Variants in ANK2 observed in about 807,000 individuals in gnomAD.
The protein encoded by ANK2 is ankyrin 2.
A neutral mutation model predicts 360.5 loss-of-function variants in ANK2; 83 were observed. That is an observed-to-expected ratio of 0.23 (90% confidence interval 0.19 to 0.28). The LOEUF is 0.28. ANK2 is among the 10% of genes least tolerant of loss of function. ANK2 has a pLI of 1.00. For missense variants in ANK2, 4,201 were observed against 4,795.7 expected, an observed-to-expected ratio of 0.88 and a Z score of 3.66; for synonymous variants, 1,740 against 1,759.5, an observed-to-expected ratio of 0.99 and a Z score of 0.28.
intron 18 of ANK2, among the ~76,000 whole-genome samples, chr4:113,286,316 G>A (rs1563433474): frequency 1.3e-5 from 2 of 152,086 alleles, no homozygotes; most frequent in African/African-American, 4.8e-5. Context: ...AATAGAAAAG[G>A]ATACACCTTC....
At chr4:113,107,010 T>C in intron 1 of ANK2, 1 of 488,960 alleles carries the variant, frequency 2.0e-6, no homozygotes, top group Non-Finnish European at 4.2e-6. Context: ...ATGGTGATTG[T>C]TCTTTGTTGT....
chr4:113,125,132 T>C (rs2095586751), intron 1 of ANK2, among the ~76,000 whole-genome samples: 1 of 152,218 alleles, frequency 6.6e-6, no homozygotes, highest in Non-Finnish European at 1.5e-5. Flanking sequence ...CTCACTTGTT[T>C]ATAGTTTGTC....
intron 23 of ANK2, among the ~76,000 whole-genome samples, chr4:113,304,693 T>C (rs67082188): frequency 0.12 from 18,953 of 152,172 alleles, 1,265 homozygotes; most frequent in African/African-American, 0.15. Context: ...TTTATATCAC[T>C]CCCTTGGTTG....
intron 41 of ANK2, among the ~76,000 whole-genome samples, 169 bp from the exon 42 acceptor site, chr4:113,367,397 T>A (rs2096575119): frequency 6.6e-6 from 1 of 152,112 alleles, no homozygotes; most frequent in Non-Finnish European, 1.5e-5. Context: ...ATGATCCGTA[T>A]CTTGAAGGTG....
At position 113,381,003 on chromosome 4, in the gene ANK2, CTG is replaced by C. The variant is rs544822871; in HGVS notation, c.11860-452_11860-451del. ...TTGGGAAGTTTGGGTCAGGGTATGA[CTG>C]TAAGGTTTAAGCTGGCAGCCAAGGT... On this transcript the variant is annotated intron_variant, in intron 45 of 45. Coordinates refer to ENST00000357077, the MANE Select transcript of ANK2 (RefSeq NM_001148.6). Among the ~76,000 whole-genome samples, 424 of 152,160 alleles carry C rather than the reference CTG, an allele frequency of 2.8e-3. 1 individual carries two copies. Among genetic ancestry groups the C allele is most frequent in the African/African-American group, 9.7e-3 (403 of 41,512 alleles).
chr4:112,879,520 C>T (rs2076148302), intron 1 of ANK2, among the ~76,000 whole-genome samples: 1 of 152,170 alleles, frequency 6.6e-6, no homozygotes, highest in Non-Finnish European at 1.5e-5. Flanking sequence ...TACAGAACCA[C>T]CCAGCCAAGC....
chr4:112,972,344 T>G (rs1156642065), intron 2 of ANK2, among the ~76,000 whole-genome samples: 1 of 152,154 alleles, frequency 6.6e-6, no homozygotes, highest in Non-Finnish European at 1.5e-5. Flanking sequence ...TCCCTCCCTT[T>G]GCCCCTCACC....
intron 1 of ANK2, among the ~76,000 whole-genome samples, chr4:112,822,701 G>C (rs1213774604): frequency 6.7e-6 from 1 of 149,012 alleles, no homozygotes; most frequent in Non-Finnish European, 1.5e-5. Context: ...AGCAAAGATC[G>C]CAACCTGCAC....
intron 1 of ANK2, among the ~76,000 whole-genome samples, chr4:112,857,934 T>G (rs1030042857): frequency 6.6e-6 from 1 of 152,190 alleles, no homozygotes; most frequent in Admixed American, 6.5e-5. Context: ...GACCATACTT[T>G]GAGTAGCAAG....
intron 1 of ANK2, among the ~76,000 whole-genome samples, chr4:113,054,064 A>T (rs941474084): frequency 6.6e-6 from 1 of 152,236 alleles, no homozygotes; most frequent in Non-Finnish European, 1.5e-5. Flanking sequence ...GGAATGCCCA[A>T]GCATCAATCA....
chr4:112,875,869 G>A (rs565069652), intron 1 of ANK2, among the ~76,000 whole-genome samples: 117 of 151,546 alleles, frequency 7.7e-4, no homozygotes, highest in African/African-American at 2.8e-3. Context: ...AGCCTCCCAA[G>A]TAGCTGAGAC....
chr4:113,253,438 T>A (rs907893223), intron 10 of ANK2, among the ~76,000 whole-genome samples: 1 of 152,158 alleles, frequency 6.6e-6, no homozygotes, highest in Non-Finnish European at 1.5e-5. Flanking sequence ...TATGTAGATG[T>A]CAGCTCCCCA....
chr4:112,905,283 C>T (rs190461325), intron 2 of ANK2, among the ~76,000 whole-genome samples: 74 of 152,202 alleles, frequency 4.9e-4, no homozygotes, highest in Admixed American at 1.2e-3. Flanking sequence ...ATGCAAATAT[C>T]CATGATGTTT....
chr4:113,365,233 TG>T, intron 41 of ANK2, 51 bp downstream of exon 41: 4 of 1,488,288 alleles, frequency 2.7e-6, no homozygotes, highest in Non-Finnish European at 3.7e-6. Flanking sequence ...GTGTGTGTGT[TG>T]TGTCTGTGTG....
At chr4:113,329,110 G>A (rs962045247) in intron 26 of ANK2, among the ~76,000 whole-genome samples, 2 of 152,180 alleles carry the variant, frequency 1.3e-5, no homozygotes, top group Admixed American at 6.5e-5. Context: ...AATGTAATTT[G>A]TGAAAGAGAG....
chr4:113,340,027 G>C (rs547300621), intron 32 of ANK2, among the ~76,000 whole-genome samples: 1 of 152,218 alleles, frequency 6.6e-6, no homozygotes, highest in Non-Finnish European at 1.5e-5. Context: ...TGCATGAATA[G>C]TTAAGTAATG....
At chr4:112,796,465 T>TACAC in the ANK2 span, among the ~76,000 whole-genome samples, 1,391 of 150,340 alleles carry the variant, frequency 9.3e-3, 15 homozygotes, top group African/African-American at 0.03. Context: ...TCTATATATA[T>TACAC]ACACACACAC....
At chr4:112,828,640 C>G (rs1452453389) in intron 1 of ANK2, among the ~76,000 whole-genome samples, 2 of 152,136 alleles carry the variant, frequency 1.3e-5, no homozygotes, top group East Asian at 3.9e-4. Context: ...GACAAAGATT[C>G]CAAAAGCAAT....
chr4:112,925,294 A>T (rs2092383173), intron 2 of ANK2, among the ~76,000 whole-genome samples: 1 of 152,214 alleles, frequency 6.6e-6, no homozygotes, highest in Admixed American at 6.5e-5. Flanking sequence ...GAATGCAAAA[A>T]ACACCTAGAT....
Sources: allele counts gnomAD v4.1 joint callset (sites outside exome capture counted in the v4.1 genomes callset), GRCh38; gene constraint gnomAD v4.1.1; transcripts MANE v1.5; gene names NCBI Gene and HGNC (gene_info 2026-07-23, HGNC 2026-07-21).